ROR1: variants seen among roughly 807,000 people sequenced by gnomAD.
ROR1 encodes the protein inactive tyrosine-protein kinase transmembrane receptor ROR1.
Under a neutral mutation model 78.8 loss-of-function variants are expected in ROR1, and 19 were observed. The observed-to-expected ratio is 0.24, with a 90% CI of 0.17 to 0.35. The LOEUF is 0.35. Among genes scored for constraint, ROR1 ranks in the 10% least tolerant of loss-of-function variants. ROR1 has a pLI of 1.00. For synonymous variants in ROR1, 386 were observed against 433.6 expected (o/e 0.89, Z 1.36); for missense variants, 917 against 1,177.8 (o/e 0.78, Z 3.24).
At chr1:64,085,775 G>GT (rs145142635) in intron 4 of ROR1, among the ~76,000 whole-genome samples, 1,572 of 151,652 alleles carry the variant, frequency 0.01, 21 homozygotes, top group African/African-American at 0.036. Context: ...ATTATTATTA[G>GT]TTTTTTTTTA....
In ROR1 at chr1:63,786,332, G is replaced by A. The variant is rs889138933; in HGVS notation, c.91+11824G>A. Among the ~76,000 whole-genome samples the A allele has an allele frequency of 5.8e-5, 8 of 137,450 alleles. No homozygotes were observed. In the Admixed American group the frequency reaches 6.3e-4, roughly 11 times the overall value. The allele number at this position is 137,450 out of a possible 152,430, so 90.2% of individuals were successfully genotyped here. The stretch of plus-strand genomic sequence containing the variant: ...CTGTCGCCCAGGCTGGAGTGCAGTG[G>A]CACAATCTCTGCTCACTGCAAGCTC... On this transcript the variant is annotated intron_variant, in intron 1 of 8. Transcript: ENST00000371079.
intron 1 of ROR1, among the ~76,000 whole-genome samples, chr1:63,814,669 C>T (rs918112406): frequency 1.3e-5 from 2 of 151,920 alleles, no homozygotes; most frequent in Admixed American, 6.6e-5. Context: ...TTAGATACCT[C>T]GCATATGCAG....
At chr1:63,915,989 C>T (rs1645606346) in intron 1 of ROR1, among the ~76,000 whole-genome samples, 1 of 152,150 alleles carries the variant, frequency 6.6e-6, no homozygotes, top group Admixed American at 6.5e-5. Flanking sequence ...AAACATGAAT[C>T]TGTTCCTGGC....
chr1:63,962,938 G>A (rs1646041826), intron 1 of ROR1, among the ~76,000 whole-genome samples: 1 of 152,160 alleles, frequency 6.6e-6, no homozygotes, highest in Admixed American at 6.5e-5. Flanking sequence ...TCAAGACCAG[G>A]TGAAGGCTGG....
chr1:63,895,484 T>C (rs1569873599), intron 1 of ROR1, among the ~76,000 whole-genome samples: 1 of 152,246 alleles, frequency 6.6e-6, no homozygotes, highest in African/African-American at 2.4e-5. Flanking sequence ...AAGGTGGAAT[T>C]TGAAGTGGAG....
intron 4 of ROR1, among the ~76,000 whole-genome samples, chr1:64,084,389 A>G (rs1210624014): frequency 4.6e-5 from 7 of 152,216 alleles, no homozygotes; most frequent in African/African-American, 7.2e-5. Flanking sequence ...TATTATTGAT[A>G]TTCTACAGAA....
chr1:64,064,507 A>G (rs1646941481), intron 4 of ROR1, among the ~76,000 whole-genome samples: 1 of 152,208 alleles, frequency 6.6e-6, no homozygotes, highest in African/African-American at 2.4e-5. Context: ...ATGCTGACCC[A>G]AGCAGGAAAC....
intron 1 of ROR1, among the ~76,000 whole-genome samples, chr1:63,805,103 T>TG (rs1336056256): frequency 2.0e-5 from 3 of 152,166 alleles, no homozygotes; most frequent in African/African-American, 4.8e-5. Flanking sequence ...TCTGCTCCCC[T>TG]GTAAGAAAAG....
chr1:64,065,558 A>G (rs551291945), intron 4 of ROR1, among the ~76,000 whole-genome samples: 1 of 152,318 alleles, frequency 6.6e-6, no homozygotes, highest in African/African-American at 2.4e-5. Context: ...TGGGTTGCAC[A>G]GGGCACTCTA....
intron 2 of ROR1, among the ~76,000 whole-genome samples, chr1:64,027,556 G>A (rs748928267): frequency 1.4e-4 from 21 of 151,738 alleles, no homozygotes; most frequent in African/African-American, 4.8e-4. Context: ...TTGTATAATC[G>A]GTGTTTTGTG....
chr1:64,142,601 C>T lies in ROR1; in HGVS notation c.1125C>T (p.Phe375=). The part of the protein sequence containing the change: ...PGNQKEAPWC[F]TLDENFKSDL... The stretch of plus-strand genomic sequence containing the variant: ...ATCAAAAGGAAGCTCCCTGGTGCTT[C>T]ACCTTGGATGAAAACTTTAAGTCTG... Residue 375 remains phenylalanine, a synonymous_variant, in exon 7 of 9, where the codon TTC becomes TTT. Coordinates refer to ENST00000371079, the MANE Select transcript of ROR1 (RefSeq NM_005012.4). 8 of 1,614,122 alleles carry T rather than the reference C, an allele frequency of 5.0e-6. No individual in the cohort carries two copies. Among genetic ancestry groups the T allele is most frequent in the Non-Finnish European group, 6.8e-6 (8 of 1,180,026 alleles).
At chr1:63,971,094 A>G (rs1646116481) in intron 1 of ROR1, among the ~76,000 whole-genome samples, 1 of 152,198 alleles carries the variant, frequency 6.6e-6, no homozygotes, top group Non-Finnish European at 1.5e-5. Flanking sequence ...GCCCTCTGTG[A>G]TCACATCCTT....
intron 4 of ROR1, among the ~76,000 whole-genome samples, chr1:64,121,577 C>A (rs1373115413): frequency 6.6e-6 from 1 of 152,126 alleles, no homozygotes; most frequent in Non-Finnish European, 1.5e-5. Context: ...GAATATGCAC[C>A]CTGGCGGGGA....
intron 1 of ROR1, among the ~76,000 whole-genome samples, chr1:63,793,164 G>A (rs1010286494): frequency 2.0e-5 from 3 of 152,200 alleles, no homozygotes; most frequent in African/African-American, 7.2e-5. Context: ...GGCGAGATGG[G>A]TATTATTATC....
At chr1:63,781,666 G>A (rs918025402) in intron 1 of ROR1, among the ~76,000 whole-genome samples, 3 of 152,198 alleles carry the variant, frequency 2.0e-5, no homozygotes, top group African/African-American at 4.8e-5. Flanking sequence ...TAGGCTTATT[G>A]TGAAGAGTCA....
chr1:64,140,171 C>A lies in ROR1; in HGVS notation c.673C>A (p.Pro225Thr). The A allele has an allele frequency of 6.2e-7, 1 of 1,614,104 alleles. No homozygotes were observed. Among genetic ancestry groups the A allele is most frequent in the Non-Finnish European group, 8.5e-7 (1 of 1,180,012 alleles). Reference sequence around the variant, plus strand: ...TGATAAGTGTTCTCAGTTCGCCATTCCTTCCCTGTGCCACTATGCCTTCCC... The same window carrying A: ...TGATAAGTGTTCTCAGTTCGCCATTACTTCCCTGTGCCACTATGCCTTCCC... ...LSDKCSQFAI[P>T]SLCHYAFPYC... Residue 225 changes from proline (P) to threonine (T), a missense_variant, in exon 6 of 9, where the codon CCT (proline) becomes ACT (threonine). Physicochemically the swap from Pro to Thr is conservative, Grantham distance 38. This residue lies in a region of ROR1 where 835 missense variants were observed against 1,069.8 expected (regional missense o/e 0.78). Transcript: ENST00000371079.
intron 1 of ROR1, among the ~76,000 whole-genome samples, chr1:63,850,906 T>C (rs995549371): frequency 6.6e-6 from 1 of 152,188 alleles, no homozygotes; most frequent in African/African-American, 2.4e-5. Context: ...GGCCAGTGAA[T>C]TCAGGGACCT....
chr1:63,862,064 T>A (rs1645185290), intron 1 of ROR1, among the ~76,000 whole-genome samples: 1 of 152,188 alleles, frequency 6.6e-6, no homozygotes, highest in African/African-American at 2.4e-5. Context: ...TTTCAGGGTC[T>A]GTCTTACTGT....
intron 1 of ROR1, among the ~76,000 whole-genome samples, chr1:63,797,414 T>C (rs1054536042): frequency 6.6e-6 from 1 of 152,146 alleles, no homozygotes; most frequent in Non-Finnish European, 1.5e-5. Context: ...GTGGGAAGGC[T>C]GAACGGAGAG....
Sources: allele counts gnomAD v4.1 joint callset (sites outside exome capture counted in the v4.1 genomes callset), GRCh38; gene constraint gnomAD v4.1.1; regional missense constraint gnomAD v4.1.1; transcripts MANE v1.5; gene names NCBI Gene and HGNC (gene_info 2026-07-23, HGNC 2026-07-21).